NCOA3: variants seen among roughly 807,000 people sequenced by gnomAD.
The protein encoded by NCOA3 is nuclear receptor coactivator 3.
In NCOA3, 51 loss-of-function variants were observed where a neutral mutation model predicts 158.8. That is an observed-to-expected ratio of 0.32 (90% confidence interval 0.26 to 0.41). The LOEUF (loss-of-function observed/expected upper bound fraction) is 0.41. Among genes scored for constraint, NCOA3 ranks in the 10% least tolerant of loss-of-function variants. The pLI, the probability that NCOA3 is intolerant of heterozygous loss-of-function variation, is 1.00. For missense variants in NCOA3, 1,510 were observed against 1,746.6 expected (o/e 0.86, Z 2.41); for synonymous variants, 537 against 592.4 (o/e 0.91, Z 1.36).
In NCOA3 at chr20:47,570,937, TATACAC is replaced by T. The variant is rs1388373720; in HGVS notation, c.-98-12244_-98-12239del. On this transcript the variant is annotated intron_variant, in intron 1 of 22. Transcript: ENST00000371998. ...TGCACCGTTAATGAGCAGTAATATA[TATACAC>T]ACACACACACACACACACACACACA... Among the ~76,000 whole-genome samples, 83 of 111,758 alleles carry T rather than the reference TATACAC, an allele frequency of 7.4e-4. 2 individuals are homozygous for T. The highest frequency in any genetic ancestry group is 6.4e-3 in the Middle Eastern group (1 of 156). The allele number at this position is 111,758 out of a possible 152,430, so 73.3% of individuals were successfully genotyped here. A position where few individuals can be genotyped will look rare whatever the true frequency, so the allele number is the denominator to read the frequency against.
At chr20:47,598,845 T>G (rs1285876408) in intron 2 of NCOA3, among the ~76,000 whole-genome samples, 1 of 152,236 alleles carries the variant, frequency 6.6e-6, no homozygotes, top group Non-Finnish European at 1.5e-5. Context: ...AGTACAGTCA[T>G]GTAGCATATA....
intron 1 of NCOA3, among the ~76,000 whole-genome samples, chr20:47,550,384 C>T (rs2084909933): frequency 7.1e-6 from 1 of 140,930 alleles, no homozygotes; most frequent in African/African-American, 2.7e-5. Context: ...GCAGAGGTTG[C>T]TGTGAGCTGA....
chr20:47,637,639 T>C lies in NCOA3; in HGVS notation c.2377-9T>C, dbSNP rs747544459. On this transcript the variant is annotated splice_polypyrimidine_tract_variant and intron_variant, in intron 12 of 22. Coordinates refer to ENST00000371998, the MANE Select transcript of NCOA3 (RefSeq NM_181659.3). ...GTATACAGGTTAATTTTTAAAACTT[T>C]ATTTTCAGGGATCTGGAGACTTGGA... The C allele has an allele frequency of 1.3e-6, 2 of 1,594,676 alleles. No homozygotes were observed. Among genetic ancestry groups the C allele is most frequent in the Non-Finnish European group, 1.7e-6 (2 of 1,173,104 alleles).
At chr20:47,547,342 AAAC>A (rs2084847763) in intron 1 of NCOA3, among the ~76,000 whole-genome samples, 1 of 136,206 alleles carries the variant, frequency 7.3e-6, no homozygotes, top group African/African-American at 2.6e-5. Context: ...GTTTCTCTTT[AAAC>A]CCTGTGGTGG....
chr20:47,607,425 G>T (rs772446858), intron 2 of NCOA3, among the ~76,000 whole-genome samples: 8 of 152,134 alleles, frequency 5.3e-5, no homozygotes, highest in Non-Finnish European at 7.3e-5. Flanking sequence ...AAGCCTTACT[G>T]TTGTTTACCA....
intron 1 of NCOA3, among the ~76,000 whole-genome samples, chr20:47,575,326 G>T (rs978676147): frequency 6.6e-6 from 1 of 152,144 alleles, no homozygotes; most frequent in East Asian, 1.9e-4. Context: ...CTATATATAC[G>T]TATATGTAAA....
chr20:47,645,347 C>T (rs942840808), intron 17 of NCOA3, among the ~76,000 whole-genome samples: 1 of 151,946 alleles, frequency 6.6e-6, no homozygotes, highest in African/African-American at 2.4e-5. Flanking sequence ...CTCCTCATTT[C>T]AGCACCATGC....
At chr20:47,535,576 C>T (rs2425948) in intron 1 of NCOA3, among the ~76,000 whole-genome samples, 23,357 of 150,520 alleles carry the variant, frequency 0.16, 2,807 homozygotes, top group African/African-American at 0.33. Context: ...GGCGCAATCT[C>T]GGCTCACTGC....
Position 47,616,501 on chromosome 20 carries a change from A to G in NCOA3, c.-19-5728A>G, listed in dbSNP as rs372467165. Among the ~76,000 whole-genome samples the G allele has an allele frequency of 6.4e-4, 97 of 152,276 alleles. 2 individuals carry two copies. In the Middle Eastern group the frequency reaches 0.01, roughly 16 times the overall value. ...AGCCACCCCGCCCAGCCTTTTAAAA[A>G]TGCAGTCTTAAAGTGTGCATTGCCA... On this transcript the variant is annotated intron_variant, in intron 2 of 22. Transcript: ENST00000371998.
At position 47,625,481 on chromosome 20, in the gene NCOA3, G is replaced by C. The variant is rs1313649900; in HGVS notation, c.357G>C (p.Gln119His). 1.3e-6 allele frequency: 2 copies of C among 1,594,536 alleles called. No individual in the cohort carries two copies. Among genetic ancestry groups the C allele is most frequent in the Non-Finnish European group, 1.7e-6 (2 of 1,162,452 alleles). ...DKDSLGPLLLQALDGFLFVVN... is the reference protein window; with the variant it reads ...DKDSLGPLLLHALDGFLFVVN... ...ACTCCTTAGGACCGCTTTTACTTCA[G>C]GCAAGTATAAAGATTTTAACTGTCC... The change falls in exon 5 of 23, where the codon CAG becomes CAC. Residue 119 changes from glutamine to histidine, a missense_variant and splice_region_variant. Gln to His is a conservative substitution (Grantham distance 24, BLOSUM62 0). Around this residue, in one of 4 missense-constraint regions of NCOA3, gnomAD observed 309 missense variants for 427.1 expected, o/e 0.72. Coordinates refer to ENST00000371998, the MANE Select transcript of NCOA3 (RefSeq NM_181659.3).
intron 1 of NCOA3, among the ~76,000 whole-genome samples, chr20:47,533,247 T>C (rs1197867054): frequency 7.3e-6 from 1 of 136,454 alleles, no homozygotes; most frequent in Non-Finnish European, 1.5e-5. Flanking sequence ...AACACACCAC[T>C]GCATTCCAGT....
intron 10 of NCOA3, 48 bp from the exon 11 acceptor site, chr20:47,635,273 TC>T (rs758615259): frequency 6.7e-7 from 1 of 1,502,214 alleles, no homozygotes; most frequent in Non-Finnish European, 9.0e-7. Flanking sequence ...TTAAAAGCTT[TC>T]ATGCATGCTT....
At chr20:47,534,915 T>C (rs2084607629) in intron 1 of NCOA3, among the ~76,000 whole-genome samples, 1 of 151,266 alleles carries the variant, frequency 6.6e-6, no homozygotes, top group African/African-American at 2.4e-5. Context: ...ACTCCATCTC[T>C]CTCTTTTTTT....
rs2086562931 is a variant in NCOA3 at position 47,639,054 on chromosome 20, C to T, written c.2559C>T (p.Asn853=). ...QSVQSIRPPY[N]RAVSLDSPVS... is the part of the protein sequence containing the mutation. ...TGCAGTCTATTCGTCCTCCATATAA[C>T]CGAGCAGTGTCTCTGGATAGCCCTG... The change falls in exon 14 of 23, where the codon AAC becomes AAT. Residue 853 remains asparagine, a synonymous_variant. Transcript: ENST00000371998. 1 of 1,614,016 alleles carries T rather than the reference C, an allele frequency of 6.2e-7. No individual in the cohort carries two copies. Among genetic ancestry groups the T allele is most frequent in the African/African-American group, 1.3e-5 (1 of 74,914 alleles).
intron 5 of NCOA3, among the ~76,000 whole-genome samples, chr20:47,625,955 G>A (rs2086315543): frequency 2.0e-5 from 3 of 152,144 alleles, no homozygotes; most frequent in African/African-American, 7.2e-5. Context: ...AAAGTATATT[G>A]GAATATATGC....
At chr20:47,548,089 A>G (rs2084862737) in intron 1 of NCOA3, among the ~76,000 whole-genome samples, 1 of 151,976 alleles carries the variant, frequency 6.6e-6, no homozygotes. Context: ...CTAGAAATCC[A>G]TTTAAGATGG....
chr20:47,592,623 C>G (rs1568709640), intron 2 of NCOA3, among the ~76,000 whole-genome samples: 1 of 152,182 alleles, frequency 6.6e-6, no homozygotes, highest in Non-Finnish European at 1.5e-5. Context: ...TAGAACCTAA[C>G]TTGATTGTTT....
chr20:47,542,099 T>G (rs745529267), intron 1 of NCOA3, among the ~76,000 whole-genome samples: 7 of 144,460 alleles, frequency 4.8e-5, no homozygotes, highest in Non-Finnish European at 9.0e-5. Flanking sequence ...GCTGTGATCA[T>G]AGCTTATTGT....
chr20:47,591,119 AACAAAAG>A (rs770315048), intron 2 of NCOA3, among the ~76,000 whole-genome samples: 79 of 152,336 alleles, frequency 5.2e-4, no homozygotes, highest in Non-Finnish European at 9.4e-4. Context: ...CAAGACAAAA[AACAAAAG>A]ACAAAAGAAA....
Sources: gnomAD v4.1 joint callset for allele counts (sites outside exome capture counted in the v4.1 genomes callset) on GRCh38, gnomAD v4.1.1 for gene constraint, gnomAD v4.1.1 regional missense constraint, MANE v1.5 for transcripts, NCBI Gene and HGNC (gene_info 2026-07-23, HGNC 2026-07-21) for gene names.